The following TRPC5 variants were observed in gnomAD, a reference collection of about 807,000 sequenced individuals.
TRPC5 encodes transient receptor potential cation channel subfamily C member 5.
Under a neutral mutation model 56.5 loss-of-function variants are expected in TRPC5, and 9 were observed. The ratio of observed to expected loss-of-function variants is 0.16; its 90% confidence interval spans 0.10 to 0.28. The LOEUF (loss-of-function observed/expected upper bound fraction) is 0.28, where lower values mean the gene tolerates loss of function less well. Ranked by LOEUF, TRPC5 falls within the 10% of genes least tolerant of loss-of-function variation. The pLI is 1.00. For synonymous variants in TRPC5, 282 were observed against 278.5 expected (o/e 1.01, Z -0.13); for missense variants, 469 against 748.9 (o/e 0.63, Z 4.36).
At chrX:111,837,220 G>T (rs1385128829) in intron 6 of TRPC5, among the ~76,000 whole-genome samples, 1 of 111,509 alleles carries the variant, frequency 9.0e-6, no homozygotes, top group Non-Finnish European at 1.9e-5. Flanking sequence ...ATTTTCAGGA[G>T]ACTCTACCAG....
At chrX:112,046,189 C>T (rs1012344798) in intron 1 of TRPC5, among the ~76,000 whole-genome samples, 12 of 97,195 alleles carry the variant, frequency 1.2e-4, no homozygotes, top group Admixed American at 2.1e-4. Context: ...CTACCGCCAC[C>T]CCCACCTTTT....
intron 1 of TRPC5, among the ~76,000 whole-genome samples, chrX:112,077,485 G>C (rs1225028822): frequency 8.9e-6 from 1 of 111,811 alleles, no homozygotes; most frequent in East Asian, 2.8e-4. Context: ...AATCACTGGG[G>C]ATCTTCATAA....
intron 1 of TRPC5, among the ~76,000 whole-genome samples, chrX:112,018,217 C>T (rs1309660227): frequency 8.9e-6 from 1 of 112,304 alleles, no homozygotes; most frequent in Admixed American, 9.4e-5. Context: ...AGGGCAGAAA[C>T]CTTTTCTGTC....
intron 3 of TRPC5, among the ~76,000 whole-genome samples, chrX:111,895,247 T>C: frequency 8.9e-6 from 1 of 111,869 alleles, no homozygotes; most frequent in Admixed American, 9.5e-5. Context: ...GCATATCTCA[T>C]TGTGGTTTTA....
intron 2 of TRPC5, among the ~76,000 whole-genome samples, chrX:111,934,347 A>G (rs779149678): frequency 1.8e-5 from 2 of 109,202 alleles, no homozygotes; most frequent in Admixed American, 2.0e-4. Context: ...TTTTATTTGT[A>G]CATAGTAAGT....
At position 111,772,087 on chromosome X, in the gene TRPC5, G is replaced by GA. The variant is rs760845128; in HGVS notation, c.*4225dup. On this transcript the variant is annotated 3_prime_UTR_variant, in exon 11 of 11. Transcript: ENST00000262839. Reference sequence around the variant, plus strand: ...AGCAAGCCAAAACCCACATCTGTTGGAAAAAAAGTTACTGGAAGGTTCATT... The same window carrying GA: ...AGCAAGCCAAAACCCACATCTGTTGGAAAAAAAAGTTACTGGAAGGTTCATT... Among the ~76,000 whole-genome samples, 1 of 111,111 alleles carries GA rather than the reference G, an allele frequency of 9.0e-6. No homozygotes were observed. Among genetic ancestry groups the GA allele is most frequent in the African/African-American group, 3.3e-5 (1 of 30,599 alleles).
chrX:111,949,904 T>A (rs1020157332), intron 2 of TRPC5, among the ~76,000 whole-genome samples: 17 of 111,913 alleles, frequency 1.5e-4, no homozygotes, highest in African/African-American at 5.2e-4. Flanking sequence ...CACATATTTA[T>A]TGCAGAACAA....
chrX:112,041,102 TACTATACAAGTTGG>T (rs964240049), intron 1 of TRPC5, among the ~76,000 whole-genome samples: 1 of 111,651 alleles, frequency 9.0e-6, no homozygotes, highest in Admixed American at 9.5e-5. Context: ...ATTTCCAACC[TACTATACAAGTTGG>T]CAAAACAAGT....
chrX:112,028,816 G>GT (rs1384981466), intron 1 of TRPC5, among the ~76,000 whole-genome samples: 1 of 111,809 alleles, frequency 8.9e-6, no homozygotes, highest in Admixed American at 9.5e-5. Context: ...GGGTCAAATT[G>GT]TATTTCTAGT....
chrX:112,019,594 C>A (rs1254841668), intron 1 of TRPC5, among the ~76,000 whole-genome samples: 1 of 111,348 alleles, frequency 9.0e-6, no homozygotes, highest in Non-Finnish European at 1.9e-5. Flanking sequence ...CACCACCACA[C>A]CCGGCTAATT....
intron 7 of TRPC5, among the ~76,000 whole-genome samples, chrX:111,791,145 C>G (rs2148555498): frequency 9.4e-6 from 1 of 106,406 alleles, no homozygotes; most frequent in African/African-American, 3.4e-5. Context: ...CTGGTTGTGA[C>G]TACACTGCAG....
At chrX:111,881,286 C>T (rs1426503863) in intron 3 of TRPC5, among the ~76,000 whole-genome samples, 2 of 110,460 alleles carry the variant, frequency 1.8e-5, no homozygotes, top group Non-Finnish European at 3.8e-5. Context: ...AAGTGATTCT[C>T]CTGCCTCAGC....
rs1012549523 is a variant in TRPC5, at chrX:111,768,700, G to A, written c.*7613C>T. ...CACTTAATTTTAAAGTTAATTTATCGAATTGAATTTCCTTTTACATTAAAC... is the reference window on the plus strand; with the variant it reads ...CACTTAATTTTAAAGTTAATTTATCAAATTGAATTTCCTTTTACATTAAAC... On this transcript the variant is annotated 3_prime_UTR_variant, in exon 11 of 11. Transcript: ENST00000262839. 2.7e-5 allele frequency among the ~76,000 whole-genome samples: 3 copies of A among 111,400 alleles called. No individual in the cohort carries two copies. Among genetic ancestry groups the A allele is most frequent in the African/African-American group, 9.8e-5 (3 of 30,633 alleles).
Position 112,050,108 on chromosome X carries a change from G to A in TRPC5, c.-22+31771C>T, listed in dbSNP as rs189998873. 7.9e-3 allele frequency among the ~76,000 whole-genome samples: 884 copies of A among 112,046 alleles called. 12 individuals are homozygous for A. Among genetic ancestry groups the A allele is most frequent in the African/African-American group, 0.027 (845 of 30,826 alleles). On this transcript the variant is annotated intron_variant, in intron 1 of 10. Transcript: ENST00000262839. ...GAAGAATTGCTTGAACCCGGTAGGC[G>A]GAGGTTTCAGTGAGCCGAGATTGTA...
chrX:111,848,411 T>C (rs1603055053), intron 5 of TRPC5, among the ~76,000 whole-genome samples: 1 of 112,289 alleles, frequency 8.9e-6, no homozygotes, highest in Non-Finnish European at 1.9e-5. Context: ...TGTATCCATA[T>C]GCAAAAGTCT....
intron 7 of TRPC5, among the ~76,000 whole-genome samples, chrX:111,808,861 G>A (rs1295870198): frequency 2.7e-5 from 3 of 109,618 alleles, no homozygotes; most frequent in Non-Finnish European, 5.7e-5. Flanking sequence ...TTTAGTCAGT[G>A]TGTGATGAAT....
chrX:112,045,466 T>A (rs960738646), intron 1 of TRPC5, among the ~76,000 whole-genome samples: 3 of 111,953 alleles, frequency 2.7e-5, no homozygotes, highest in South Asian at 3.7e-4. Context: ...CCTTCAGAAC[T>A]GTGAGACAAT....
intron 1 of TRPC5, among the ~76,000 whole-genome samples, chrX:112,039,621 T>TGCA (rs1335836081): frequency 3.6e-5 from 4 of 111,921 alleles, no homozygotes; most frequent in African/African-American, 1.3e-4. Flanking sequence ...CCCTCATGTT[T>TGCA]GCAGTAAAAA....
rs1217061886 is a variant in TRPC5 at position 111,775,251 on chromosome X, A to G, written c.*1062T>C. 8.9e-6 allele frequency: 1 copy of G among 112,013 alleles called. No homozygotes were observed. The highest frequency in any genetic ancestry group is 1.9e-5 in the Non-Finnish European group (1 of 53,219). The allele number at this position is 112,013 out of a possible 1,213,427, so 9.2% of individuals were successfully genotyped here. A position where few individuals can be genotyped will look rare whatever the true frequency, so the allele number is the denominator to read the frequency against. ...AACTGCAACCTGAATTAGGTTATCTATACCTAAAGTTGCCATTTTTATAAA... is the reference window on the plus strand; with the variant it reads ...AACTGCAACCTGAATTAGGTTATCTGTACCTAAAGTTGCCATTTTTATAAA... On this transcript the variant is annotated 3_prime_UTR_variant, in exon 11 of 11. Coordinates refer to ENST00000262839, the MANE Select transcript of TRPC5 (RefSeq NM_012471.3).
Sources: gnomAD v4.1 joint callset for allele counts (sites outside exome capture counted in the v4.1 genomes callset) on GRCh38, gnomAD v4.1.1 for gene constraint, MANE v1.5 for transcripts, NCBI Gene and HGNC (gene_info 2026-07-23, HGNC 2026-07-21) for gene names.